The following OR6B3 variants were observed in gnomAD, a reference collection of about 807,000 sequenced individuals.
OR6B3 encodes the protein olfactory receptor 6B3.
For missense variants in OR6B3, 315 were observed against 427.4 expected (o/e 0.74, Z 2.32); for synonymous variants, 148 against 187.8 (o/e 0.79, Z 1.73).
chr2:240,045,530 A>T (rs1471665636), exon 2 of OR6B3: 1 of 1,593,978 alleles, frequency 6.3e-7, no homozygotes, highest in African/African-American at 1.3e-5. Context: ...GGATGGGGGA[A>T]ATGTCACAGA....
chr2:240,051,699 C>T (rs1013487933), upstream of OR6B3, among the ~76,000 whole-genome samples: 2 of 152,200 alleles, frequency 1.3e-5, no homozygotes, highest in Admixed American at 1.3e-4. Context: ...GCTCACGTGG[C>T]ACTAGCGTGA....
the OR6B3 span, among the ~76,000 whole-genome samples, chr2:240,053,140 G>A: frequency 1.3e-5 from 2 of 152,154 alleles, no homozygotes; most frequent in Admixed American, 6.5e-5. This position sits in a 1 kb window ranked among gnomAD's most constrained non-coding sequence, Gnocchi z 4.1. Flanking sequence ...GGGGCAGACC[G>A]AGAATTCCAG....
At chr2:240,053,202 A>C in the OR6B3 span, among the ~76,000 whole-genome samples, 1 of 152,212 alleles carries the variant, frequency 6.6e-6, no homozygotes, top group African/African-American at 2.4e-5. This position sits in a 1 kb window ranked among gnomAD's most constrained non-coding sequence, Gnocchi z 4.1. Flanking sequence ...TATATTGGGT[A>C]TATTGGGATG....
At chr2:240,045,611 G>A in exon 2 of OR6B3, 1 of 1,457,274 alleles carries the variant, frequency 6.9e-7, no homozygotes, top group South Asian at 1.2e-5. Context: ...TCATGGAGAT[G>A]GTGAAGCCAC....
upstream of OR6B3, among the ~76,000 whole-genome samples, chr2:240,051,284 G>A (rs1161516284): frequency 6.6e-6 from 1 of 152,206 alleles, no homozygotes; most frequent in African/African-American, 2.4e-5. Flanking sequence ...TCAGTTTACA[G>A]ATGACAAGGA....
chr2:240,044,686 G>C (rs554656566), downstream of OR6B3, among the ~76,000 whole-genome samples: 4 of 152,212 alleles, frequency 2.6e-5, no homozygotes, highest in South Asian at 8.3e-4. Context: ...ACATTCGTTG[G>C]GTATAAAACA....
chr2:240,050,431 G>C (rs1457475902), upstream of OR6B3, among the ~76,000 whole-genome samples: 1 of 152,200 alleles, frequency 6.6e-6, no homozygotes, highest in Non-Finnish European at 1.5e-5. Context: ...GAAATGGACA[G>C]GGGCCGGGCG....
chr2:240,045,309 A>G, exon 2 of OR6B3: 1 of 1,614,220 alleles, frequency 6.2e-7, no homozygotes, highest in Non-Finnish European at 8.5e-7. Context: ...CATGAAAAGC[A>G]AGGCTGTATA....
chr2:240,050,831 G>A (rs1222383353), upstream of OR6B3, among the ~76,000 whole-genome samples: 1 of 150,254 alleles, frequency 6.7e-6, no homozygotes, highest in Non-Finnish European at 1.5e-5. Flanking sequence ...AAACAAATTA[G>A]AATGCCAAGT....
At chr2:240,051,089 C>T (rs372271593), upstream of OR6B3, among the ~76,000 whole-genome samples, 26 of 152,184 alleles carry the variant, frequency 1.7e-4, no homozygotes, top group Admixed American at 9.2e-4. Context: ...AAAACTTGTT[C>T]TGAAGTAGGC....
At chr2:240,048,396 C>G (rs1189624858), upstream of OR6B3, among the ~76,000 whole-genome samples, 1 of 152,126 alleles carries the variant, frequency 6.6e-6, no homozygotes, top group East Asian at 1.9e-4. Flanking sequence ...CCACACCTAC[C>G]CCCATCTCCG....
At chr2:240,048,929 C>G (rs1236846983), upstream of OR6B3, among the ~76,000 whole-genome samples, 1 of 152,160 alleles carries the variant, frequency 6.6e-6, no homozygotes, top group Admixed American at 6.5e-5. Context: ...CCGTCCTGCC[C>G]ATGGGAGGGA....
At position 240,045,858 on chromosome 2, in the gene OR6B3, C is replaced by T; in HGVS notation, c.215G>A (p.Trp72Ter). Residue 72 changes from tryptophan to a stop codon, truncating the protein, a stop_gained, in exon 2 of 2, where the codon TGG becomes TAG. Coordinates refer to ENST00000641019, the Ensembl canonical transcript of OR6B3. LOFTEE classifies it low-confidence loss of function (END_TRUNC). The stretch of plus-strand genomic sequence containing the variant: ...CTTGGGGGTGATGTCAGACACGTAC[C>T]AGATCTCTAGGAAAGACATGGAGCT... 6.2e-7 allele frequency: 1 copy of T among 1,612,816 alleles called. No homozygotes were observed. The highest frequency in any genetic ancestry group is 1.7e-5 in the Admixed American group (1 of 59,960).
intron 1 of OR6B3, 90 bp from the exon 3 acceptor site, chr2:240,046,187 G>A (rs1472773850): frequency 1.1e-6 from 1 of 889,550 alleles, no homozygotes; most frequent in Non-Finnish European, 1.7e-6. Context: ...GAGTTTTGGT[G>A]TAAAGAGAGG....
exon 2 of OR6B3, chr2:240,045,709 G>A (rs199947939): frequency 1.4e-4 from 192 of 1,368,102 alleles, no homozygotes; most frequent in East Asian, 4.6e-4. Flanking sequence ...GCCACGTAGC[G>A]GTCGTAGGCC....
At chr2:240,050,450 C>T (rs1698241586), upstream of OR6B3, among the ~76,000 whole-genome samples, 1 of 152,208 alleles carries the variant, frequency 6.6e-6, no homozygotes, top group African/African-American at 2.4e-5. Flanking sequence ...CGCAGTGGCT[C>T]ATGCCTGTAA....
chr2:240,050,721 CAAA>C (rs61309204), upstream of OR6B3, among the ~76,000 whole-genome samples: 5 of 57,338 alleles, frequency 8.7e-5, no homozygotes, highest in Admixed American at 2.0e-4. Flanking sequence ...CTCAAAGAGA[CAAA>C]AAAAAAAAAA....
chr2:240,051,023 C>T (rs1005040953), upstream of OR6B3, among the ~76,000 whole-genome samples: 3 of 151,980 alleles, frequency 2.0e-5, no homozygotes, highest in African/African-American at 7.3e-5. Flanking sequence ...AAAACAATGG[C>T]ATAAAAATCA....
At chr2:240,045,012 T>C, downstream of OR6B3, 1 of 1,459,208 alleles carries the variant, frequency 6.9e-7, no homozygotes, top group South Asian at 1.4e-5. Context: ...AGGAGAAAAA[T>C]AGATTTGGAA....
Sources: gnomAD v4.1 joint callset for allele counts (sites outside exome capture counted in the v4.1 genomes callset) on GRCh38, gnomAD v4.1.1 for gene constraint, Gnocchi (gnomAD v3.1) non-coding constraint, MANE v1.5 for transcripts, NCBI Gene and HGNC (gene_info 2026-07-23, HGNC 2026-07-21) for gene names.